The following ADAM9 variants were observed in gnomAD, a reference collection of about 807,000 sequenced individuals.
ADAM9 encodes the protein disintegrin and metalloproteinase domain-containing protein 9.
A neutral mutation model predicts 108.1 loss-of-function variants in ADAM9; 54 were observed. The ratio of observed to expected loss-of-function variants is 0.50; its 90% CI spans 0.40 to 0.63. The LOEUF (loss-of-function observed/expected upper bound fraction) is 0.63. ADAM9 is among the 20% of genes least tolerant of loss of function. The probability of loss-of-function intolerance (pLI) is 0.00; values close to 1 mark genes in which losing one functional copy is unlikely to be tolerated. For synonymous variants in ADAM9, 316 were observed against 336.0 expected, an observed-to-expected ratio of 0.94 and a Z score of 0.65; for missense variants, 830 against 997.7, an observed-to-expected ratio of 0.83 and a Z score of 2.26.
chr8:39,091,228 A>C, intron 19 of ADAM9, 31 bp from the exon 20 acceptor site: 2 of 1,588,404 alleles, frequency 1.3e-6, no homozygotes, highest in Non-Finnish European at 1.7e-6. Context: ...TTTTTATCTT[A>C]ATTTAGATCA....
intron 11 of ADAM9, among the ~76,000 whole-genome samples, chr8:39,037,397 A>G (rs1197416572): frequency 1.4e-5 from 2 of 147,986 alleles, no homozygotes; most frequent in African/African-American, 4.9e-5. Flanking sequence ...TATGTAATTT[A>G]TAAATATATA....
intron 20 of ADAM9, among the ~76,000 whole-genome samples, chr8:39,099,922 C>T (rs1839633832): frequency 7.8e-6 from 1 of 128,696 alleles, no homozygotes; most frequent in South Asian, 2.4e-4. Flanking sequence ...CTGTGTTGCA[C>T]AGGCTGGAGT....
intron 20 of ADAM9, among the ~76,000 whole-genome samples, chr8:39,096,014 T>C (rs1209835626): frequency 3.3e-5 from 5 of 152,128 alleles, no homozygotes; most frequent in African/African-American, 9.6e-5. Flanking sequence ...GGACTTACTA[T>C]TGCTATTTTG....
intron 16 of ADAM9, among the ~76,000 whole-genome samples, chr8:39,078,000 C>T (rs2129441951): frequency 6.6e-6 from 1 of 152,058 alleles, no homozygotes; most frequent in East Asian, 1.9e-4. Flanking sequence ...CAGCCTTAAG[C>T]CATATACAAG....
At chr8:39,094,644 AG>A (rs1410033688) in intron 20 of ADAM9, among the ~76,000 whole-genome samples, 4 of 152,004 alleles carry the variant, frequency 2.6e-5, no homozygotes, top group Admixed American at 2.0e-4. Context: ...GTCTTGATTC[AG>A]TCTGGATAGG....
intron 16 of ADAM9, among the ~76,000 whole-genome samples, chr8:39,081,877 CT>C (rs1288738951): frequency 6.6e-6 from 1 of 152,074 alleles, no homozygotes; most frequent in Admixed American, 6.6e-5. Flanking sequence ...CGTTAGTCTT[CT>C]TTTTTTCCTC....
chr8:39,050,101 C>T (rs1307435159), intron 12 of ADAM9, among the ~76,000 whole-genome samples: 3 of 152,142 alleles, frequency 2.0e-5, no homozygotes, highest in African/African-American at 7.2e-5. Flanking sequence ...ACCTTCTGGC[C>T]TGCAAGATTT....
At chr8:39,025,507 T>C (rs183927923) in intron 9 of ADAM9, among the ~76,000 whole-genome samples, 1 of 152,188 alleles carries the variant, frequency 6.6e-6, no homozygotes, top group Non-Finnish European at 1.5e-5. Context: ...TTTTAATATA[T>C]AGTTAAATAT....
chr8:39,009,573 G>A (rs1006350656), intron 2 of ADAM9, among the ~76,000 whole-genome samples: 1 of 152,072 alleles, frequency 6.6e-6, no homozygotes, highest in African/African-American at 2.4e-5. Context: ...TTCAGCCTAG[G>A]GACCATGTTT....
chr8:39,079,685 A>G lies in ADAM9; in HGVS notation c.1881+2274A>G, dbSNP rs1225702153. ...GTGCAACCTCCGCCTCCCAGGCTCA[A>G]GTGATTCTTGTGCCTCAGCCTCCCC... On this transcript the variant is annotated intron_variant, in intron 16 of 21. Transcript: ENST00000487273. Among the ~76,000 whole-genome samples, 9 of 151,846 alleles carry G rather than the reference A, an allele frequency of 5.9e-5. No homozygotes were observed. The East Asian group carries it at 1.4e-3, about 23-fold the overall frequency.
At chr8:39,103,265 AGCACAGGCAAGTG>A (rs1395402668) in intron 21 of ADAM9, among the ~76,000 whole-genome samples, 2 of 152,172 alleles carry the variant, frequency 1.3e-5, no homozygotes, top group African/African-American at 4.8e-5. Context: ...AAATTCTAAC[AGCACAGGCAAGTG>A]CTTGATCACT....
At chr8:39,002,033 T>TAAAAAAAAAAAA (rs35778686) in intron 1 of ADAM9, among the ~76,000 whole-genome samples, 3 of 108,622 alleles carry the variant, frequency 2.8e-5, no homozygotes, top group African/African-American at 3.4e-5. Context: ...CTAGAATGAT[T>TAAAAAAAAAAAA]AAAAAAAAAA....
intron 12 of ADAM9, among the ~76,000 whole-genome samples, chr8:39,043,822 T>C (rs1837529591): frequency 6.6e-6 from 1 of 152,144 alleles, no homozygotes; most frequent in Non-Finnish European, 1.5e-5. Flanking sequence ...TATTCCACTC[T>C]GTACATCCAT....
intron 11 of ADAM9, among the ~76,000 whole-genome samples, chr8:39,027,562 T>C (rs1836961055): frequency 6.6e-6 from 1 of 152,194 alleles, no homozygotes; most frequent in African/African-American, 2.4e-5. Flanking sequence ...GCCTGTGATC[T>C]GAGAACCCTT....
chr8:39,093,648 A>G (rs1322158177), intron 20 of ADAM9, among the ~76,000 whole-genome samples: 3 of 152,176 alleles, frequency 2.0e-5, no homozygotes, highest in Admixed American at 6.5e-5. Context: ...GTAGGAGTGG[A>G]CATCCTTGTC....
In ADAM9 at chr8:39,006,896, G is replaced by T. The variant is rs908754104; in HGVS notation, c.98-990G>T. Among the ~76,000 whole-genome samples, 6 of 152,148 alleles carry T rather than the reference G, an allele frequency of 3.9e-5. No individual in the cohort carries two copies. In the East Asian group the frequency reaches 1.2e-3, roughly 29 times the overall value. ...TTAATGGCTATAATTTGAAAGCGTG[G>T]CTACATTGTTGAGTATGTATTTGTC... On this transcript the variant is annotated intron_variant, in intron 1 of 21. Coordinates refer to ENST00000487273, the MANE Select transcript of ADAM9 (RefSeq NM_003816.3).
chr8:39,009,063 A>G lies in ADAM9; in HGVS notation c.195+1080A>G, dbSNP rs184098903. ...AGGGAGTGGGCATTGTAAAAAGAAC[A>G]CTGGAGTTGAGGATCAGGAACTTTT... On this transcript the variant is annotated intron_variant, in intron 2 of 21. Coordinates refer to ENST00000487273, the MANE Select transcript of ADAM9 (RefSeq NM_003816.3). Among the ~76,000 whole-genome samples the G allele has an allele frequency of 3.9e-5, 6 of 152,304 alleles. No individual in the cohort carries two copies. In the East Asian group the frequency reaches 1.2e-3, roughly 29 times the overall value.
Position 39,003,739 on chromosome 8 carries a change from T to A in ADAM9, c.98-4147T>A, listed in dbSNP as rs76684807. 6.6e-4 allele frequency among the ~76,000 whole-genome samples: 101 copies of A among 152,292 alleles called. 1 individual carries two copies. In the East Asian group the frequency reaches 0.019, roughly 29 times the overall value. Reference sequence around the variant, plus strand: ...GGTTGCTTGGATTTTAGAAGCAAGATGTCAATATCAGAATAACAGCCCTTA... The same window carrying A: ...GGTTGCTTGGATTTTAGAAGCAAGAAGTCAATATCAGAATAACAGCCCTTA... On this transcript the variant is annotated intron_variant, in intron 1 of 21. Transcript: ENST00000487273.
In ADAM9 at chr8:39,104,230, A is replaced by T; in HGVS notation, c.*530A>T. On this transcript the variant is annotated 3_prime_UTR_variant, in exon 22 of 22. Transcript: ENST00000487273. ...CTTGTCTGTCACTCACTACATGAATAAGCAAATATTGTCTTCAAAAGAATG... is the reference window on the plus strand; with the variant it reads ...CTTGTCTGTCACTCACTACATGAATTAGCAAATATTGTCTTCAAAAGAATG... 1 of 453,884 alleles carries T rather than the reference A, an allele frequency of 2.2e-6. No individual in the cohort carries two copies. The highest frequency in any genetic ancestry group is 1.6e-5 in the South Asian group (1 of 64,380). The allele number at this position is 453,884 out of a possible 1,614,324, so 28.1% of individuals were successfully genotyped here. A position where few individuals can be genotyped will look rare whatever the true frequency, so the allele number is the denominator to read the frequency against.
Sources: allele counts gnomAD v4.1 joint callset (sites outside exome capture counted in the v4.1 genomes callset), GRCh38; gene constraint gnomAD v4.1.1; transcripts MANE v1.5; gene names NCBI Gene and HGNC (gene_info 2026-07-23, HGNC 2026-07-21).